Variants in KALRN observed in about 807,000 individuals in gnomAD.
KALRN encodes kalirin.
Under a neutral mutation model 353.7 loss-of-function variants are expected in KALRN, and 70 were observed. The observed-to-expected ratio is 0.20, with a 90% CI of 0.16 to 0.24. The LOEUF is 0.24. KALRN is among the 10% of genes least tolerant of loss of function. KALRN has a pLI of 1.00. For missense variants in KALRN, 2,791 were observed against 3,756.7 expected, an observed-to-expected ratio of 0.74 and a Z score of 6.72; for synonymous variants, 1,391 against 1,434.8, an observed-to-expected ratio of 0.97 and a Z score of 0.69.
intron 6 of KALRN, among the ~76,000 whole-genome samples, chr3:124,301,744 A>T (rs1469043536): frequency 6.6e-6 from 1 of 152,210 alleles, no homozygotes; most frequent in Non-Finnish European, 1.5e-5. Context: ...GCTCGAACTC[A>T]GTGACTACAG....
At position 124,645,651 on chromosome 3, in the gene KALRN, T is replaced by TGTG. The variant is rs1559756583; in HGVS notation, c.5665-5157_5665-5156insGTG. On this transcript the variant is annotated intron_variant, in intron 37 of 59. Transcript: ENST00000682506. ...TTCTCTCTCTCTCTCTCTCTCTCTCTCTCTCTCTGTGCGTGTGTGTGTGTG... is the reference window on the plus strand; with the variant it reads ...TTCTCTCTCTCTCTCTCTCTCTCTCTGTGCTCTCTCTGTGCGTGTGTGTGTGTG... Among the ~76,000 whole-genome samples, 142 of 140,792 alleles carry TGTG rather than the reference T, an allele frequency of 1.0e-3. 1 individual carries two copies. Among genetic ancestry groups the TGTG allele is most frequent in the African/African-American group, 3.4e-3 (134 of 39,690 alleles). 92.4% of individuals were successfully genotyped at this position (140,792 alleles called of 152,430 possible).
chr3:124,438,762 A>G (rs1240631562), intron 17 of KALRN, 126 bp from the exon 18 acceptor site: 2 of 715,652 alleles, frequency 2.8e-6, no homozygotes, highest in Admixed American at 3.1e-5. Context: ...TTTCTCTTAG[A>G]TGTCTCAGAG....
intron 27 of KALRN, among the ~76,000 whole-genome samples, chr3:124,478,563 T>C (rs1355171230): frequency 6.6e-6 from 1 of 152,204 alleles, no homozygotes; most frequent in Non-Finnish European, 1.5e-5. Flanking sequence ...TGGCTCTATG[T>C]ATCCCACACT....
rs563433127 is a variant in KALRN at position 124,401,041 on chromosome 3, T to C, written c.2346+2170T>C. On this transcript the variant is annotated intron_variant, in intron 13 of 59. Coordinates refer to ENST00000682506, the MANE Select transcript of KALRN (RefSeq NM_001388419.1). Reference sequence around the variant, plus strand: ...CATCGACTACACCCCTCACATCAGCTGGGGGCATCGCAAGTGTGTCTTTAC... The same window carrying C: ...CATCGACTACACCCCTCACATCAGCCGGGGGCATCGCAAGTGTGTCTTTAC... Among the ~76,000 whole-genome samples, 9 of 152,242 alleles carry C rather than the reference T, an allele frequency of 5.9e-5. No homozygotes were observed. In the South Asian group the frequency reaches 1.7e-3, roughly 28 times the overall value.
At chr3:124,560,621 G>A (rs2071866607) in intron 33 of KALRN, among the ~76,000 whole-genome samples, 1 of 152,152 alleles carries the variant, frequency 6.6e-6, no homozygotes, top group African/African-American at 2.4e-5. Flanking sequence ...CAGCACTTTG[G>A]GAGACTGAAG....
At chr3:124,707,529 C>T (rs563494492) in intron 57 of KALRN, among the ~76,000 whole-genome samples, 1 of 151,706 alleles carries the variant, frequency 6.6e-6, no homozygotes, top group East Asian at 1.9e-4. Context: ...ATCTCCCCAG[C>T]TTTGATACAA....
intron 1 of KALRN, among the ~76,000 whole-genome samples, chr3:124,135,260 G>A (rs750102332): frequency 1.9e-4 from 29 of 152,178 alleles, no homozygotes; most frequent in Admixed American, 3.9e-4. Context: ...ATTATTCTAA[G>A]TGAAGTAACT....
At position 124,699,891 on chromosome 3, in the gene KALRN, A is replaced by C; in HGVS notation, c.7854A>C (p.Ser2618=). 1 of 1,614,216 alleles carries C rather than the reference A, an allele frequency of 6.2e-7. No homozygotes were observed. The highest frequency in any genetic ancestry group is 1.3e-5 in the African/African-American group (1 of 75,054). ...TAGGTTCTCAGATCTGGCAGCAGTC[A>C]GTGGCTTCGACCTTGGACACTTACC... The part of the protein sequence containing the change: ...REEGSQIWQQ[S]VASTLDTYLV... The change falls in exon 56 of 60, where the codon TCA becomes TCC. Residue 2618 remains serine (S), a synonymous_variant. Coordinates refer to ENST00000682506, the MANE Select transcript of KALRN (RefSeq NM_001388419.1).
Position 124,490,900 on chromosome 3 carries a change from G to C in KALRN, c.4587+16G>C. 1.9e-6 allele frequency: 3 copies of C among 1,599,178 alleles called. No individual in the cohort carries two copies. On this transcript the variant is annotated intron_variant, in intron 30 of 59. Transcript: ENST00000682506. Reference sequence around the variant, plus strand: ...CAAGCTACTGGTAGGTGGGGCAGGTGGGGTAAGACAAGACTCCCTGCTTTC... The same window carrying C: ...CAAGCTACTGGTAGGTGGGGCAGGTCGGGTAAGACAAGACTCCCTGCTTTC...
At chr3:124,555,185 C>T (rs2071064432) in intron 33 of KALRN, among the ~76,000 whole-genome samples, 3 of 151,974 alleles carry the variant, frequency 2.0e-5, no homozygotes, top group African/African-American at 7.3e-5. Flanking sequence ...CTCATCTTCT[C>T]ATTCTACCAA....
intron 1 of KALRN, among the ~76,000 whole-genome samples, chr3:124,200,362 T>C (rs1202718530): frequency 6.6e-6 from 1 of 152,234 alleles, no homozygotes; most frequent in Non-Finnish European, 1.5e-5. Context: ...TTCTGAAGGC[T>C]GGGAAATCCA....
At chr3:124,468,638 A>G (rs1478700831) in intron 25 of KALRN, among the ~76,000 whole-genome samples, 2 of 152,204 alleles carry the variant, frequency 1.3e-5, no homozygotes, top group Non-Finnish European at 2.9e-5. Context: ...ATCGTTAAAG[A>G]TAATCTAGTT....
At chr3:124,099,215 G>C (rs1419990994) in intron 1 of KALRN, 1 of 152,120 alleles carries the variant, frequency 6.6e-6, no homozygotes, top group African/African-American at 2.4e-5. Flanking sequence ...TACTCTTTCT[G>C]TCTATATGTT....
intron 1 of KALRN, among the ~76,000 whole-genome samples, chr3:124,041,033 T>G (rs1329868275): frequency 6.6e-6 from 1 of 152,158 alleles, no homozygotes; most frequent in Non-Finnish European, 1.5e-5. Context: ...ATCAAGTGTT[T>G]ACTATAGTCA....
chr3:124,470,111 T>C (rs904981642), intron 25 of KALRN, among the ~76,000 whole-genome samples: 2 of 152,226 alleles, frequency 1.3e-5, no homozygotes, highest in East Asian at 3.8e-4. Flanking sequence ...TATAATAATT[T>C]AATAGAGTAA....
intron 6 of KALRN, among the ~76,000 whole-genome samples, chr3:124,319,324 C>T (rs1435425481): frequency 6.6e-6 from 1 of 151,322 alleles, no homozygotes; most frequent in Non-Finnish European, 1.5e-5. Context: ...TTTAAAAAAC[C>T]AAATCTATTA....
At chr3:124,650,983 C>T (rs376605821) in intron 38 of KALRN, 45 bp downstream of exon 38, 16 of 1,606,500 alleles carry the variant, frequency 1.0e-5, no homozygotes, top group African/African-American at 4.0e-5. Flanking sequence ...CATGTGAGTG[C>T]GGTGGACAAT....
chr3:124,226,454 G>A (rs1016643586), intron 1 of KALRN, among the ~76,000 whole-genome samples: 1 of 152,176 alleles, frequency 6.6e-6, no homozygotes, highest in Non-Finnish European at 1.5e-5. Context: ...CTTGTAGCTG[G>A]TTCTCTGTCA....
At chr3:124,651,853 G>C (rs1480528235) in intron 38 of KALRN, among the ~76,000 whole-genome samples, 1 of 151,982 alleles carries the variant, frequency 6.6e-6, no homozygotes, top group Non-Finnish European at 1.5e-5. Context: ...GCCCTGGCTG[G>C]TCTGGGACTC....
Sources: allele counts gnomAD v4.1 joint callset (sites outside exome capture counted in the v4.1 genomes callset), GRCh38; gene constraint gnomAD v4.1.1; transcripts MANE v1.5; gene names NCBI Gene and HGNC (gene_info 2026-07-23, HGNC 2026-07-21).